Variants in STRA6 observed in about 807,000 individuals in gnomAD.
STRA6 encodes signaling receptor and transporter of retinol STRA6.
In STRA6, 48 loss-of-function variants were observed where a neutral mutation model predicts 83.6. That is an observed-to-expected ratio of 0.57 (90% CI 0.46 to 0.73). The LOEUF is 0.73. Among genes scored for constraint, STRA6 ranks in the 30% least tolerant of loss-of-function variants. STRA6 has a pLI of 0.00. For synonymous variants in STRA6, 353 were observed against 362.3 expected (o/e 0.97, Z 0.29); for missense variants, 760 against 838.8 (o/e 0.91, Z 1.16).
chr15:74,195,097 G>A (rs1416900039), intron 7 of STRA6: 7 of 1,472,552 alleles, frequency 4.8e-6, no homozygotes, highest in African/African-American at 1.4e-5. Context: ...AGTTCCTGAG[G>A]GCTGGGCCCA....
intron 3 of STRA6, 133 bp from the exon 4 acceptor site, chr15:74,197,556 G>C (rs2073876394): frequency 1.9e-6 from 2 of 1,075,498 alleles, no homozygotes; most frequent in South Asian, 1.4e-5. Context: ...CTTGGGGACT[G>C]GTCAAGGGGT....
At chr15:74,183,710 G>A in intron 14 of STRA6, 146 bp downstream of exon 14, 8 of 1,585,646 alleles carry the variant, frequency 5.0e-6, no homozygotes, top group South Asian at 1.1e-5. Flanking sequence ...GAAGGCAGGG[G>A]GGTCCCTCCT....
rs143980296 is a variant in STRA6, at chr15:74,187,025, G to C, written c.1091-1970C>G. Among the ~76,000 whole-genome samples the C allele has an allele frequency of 4.3e-3, 648 of 152,352 alleles. 1 individual carries two copies. Among genetic ancestry groups the C allele is most frequent in the Non-Finnish European group, 6.2e-3 (424 of 68,032 alleles). ...AAGCAAGGTTGGGAGAAAGCACTGTGCATGCATAGCTCCAGCCTCTGTGGT... is the reference window on the plus strand; with the variant it reads ...AAGCAAGGTTGGGAGAAAGCACTGTCCATGCATAGCTCCAGCCTCTGTGGT... On this transcript the variant is annotated intron_variant, in intron 12 of 18. Coordinates refer to ENST00000395105, the MANE Select transcript of STRA6 (RefSeq NM_022369.4).
intron 17 of STRA6, among the ~76,000 whole-genome samples, 155 bp from the exon 18 acceptor site, chr15:74,181,092 C>T (rs1021342799): frequency 7.9e-5 from 12 of 152,096 alleles, no homozygotes; most frequent in African/African-American, 1.2e-4. Flanking sequence ...TGCATGGGCA[C>T]GTGTGGACCT....
chr15:74,197,475 G>T, intron 3 of STRA6, 52 bp from the exon 4 acceptor site: 2 of 1,460,200 alleles, frequency 1.4e-6, no homozygotes, highest in Non-Finnish European at 1.9e-6. Context: ...TCCCCTGAGG[G>T]TCTGAGTTTG....
At chr15:74,210,176 T>C (rs1422713214), upstream of STRA6, among the ~76,000 whole-genome samples, 1 of 152,100 alleles carries the variant, frequency 6.6e-6, no homozygotes, top group East Asian at 1.9e-4. Context: ...AAAGAGAAAA[T>C]TAACCTTTGG....
In STRA6 at chr15:74,179,830, C is replaced by T. The variant is rs1011378549; in HGVS notation, c.*250G>A. The T allele has an allele frequency of 2.5e-5, 13 of 513,018 alleles. No homozygotes were observed. Among genetic ancestry groups the T allele is most frequent in the Non-Finnish European group, 3.5e-5 (10 of 287,680 alleles). The allele number at this position is 513,018 out of a possible 1,614,324, so 31.8% of individuals were successfully genotyped here. On this transcript the variant is annotated 3_prime_UTR_variant, in exon 19 of 19. Transcript: ENST00000395105. ...GTGGCTGCCCTGGCTCAACTGGCTC[C>T]TGGACCAAGGCCCTAACCCACCAGT...
chr15:74,182,552 G>T, intron 14 of STRA6, 92 bp from the exon 15 acceptor site: 1 of 1,051,906 alleles, frequency 9.5e-7, no homozygotes, highest in Non-Finnish European at 1.4e-6. Flanking sequence ...CTTTGGGATT[G>T]GGCAGGCCTG....
At chr15:74,209,056 C>T (rs889631384), upstream of STRA6, 2 of 1,203,634 alleles carry the variant, frequency 1.7e-6, no homozygotes, top group Non-Finnish European at 2.1e-6. Flanking sequence ...CAGCTCCCCC[C>T]TTCTCCAGTC....
At chr15:74,202,441 G>T (rs1031922502) in intron 1 of STRA6, 159 bp from the exon 2 acceptor site, 1 of 1,536,394 alleles carries the variant, frequency 6.5e-7, no homozygotes, top group Admixed American at 2.0e-5. Flanking sequence ...GGAAAAGCCC[G>T]TCTGGGACTG....
chr15:74,181,382 C>T lies in STRA6; in HGVS notation c.1597G>A (p.Val533Met). The change falls in exon 17 of 19, where the codon GTG (valine) becomes ATG (methionine). Residue 533 changes from valine to methionine, a missense_variant. Coordinates refer to ENST00000395105, the MANE Select transcript of STRA6 (RefSeq NM_022369.4). ...GCGTTGTAGAGGGCAGAGAGGAGCACTCGCCAGGTGGCCACCATGGCACCC... is the reference window on the plus strand; with the variant it reads ...GCGTTGTAGAGGGCAGAGAGGAGCATTCGCCAGGTGGCCACCATGGCACCC... The part of the protein sequence containing the change: ...LVGAMVATWR[V>M]LLSALYNAIH... 6.2e-7 allele frequency: 1 copy of T among 1,613,304 alleles called. No homozygotes were observed. Among genetic ancestry groups the T allele is most frequent in the Non-Finnish European group, 8.5e-7 (1 of 1,179,664 alleles).
chr15:74,192,873 C>T (rs928384088), intron 8 of STRA6, among the ~76,000 whole-genome samples: 7 of 152,192 alleles, frequency 4.6e-5, no homozygotes, highest in African/African-American at 1.7e-4. Context: ...TCCCAACACC[C>T]GGTGCAGGTT....
intron 1 of STRA6, 184 bp from the exon 2 acceptor site, chr15:74,202,466 C>T: frequency 6.5e-7 from 1 of 1,536,148 alleles, no homozygotes; most frequent in Non-Finnish European, 8.7e-7. Context: ...CCTGAGCAAG[C>T]TGGCACGGGA....
intron 11 of STRA6, 84 bp downstream of exon 11, chr15:74,190,756 C>G (rs989274453): frequency 1.0e-5 from 16 of 1,602,398 alleles, no homozygotes; most frequent in South Asian, 9.9e-5. Flanking sequence ...ACCTGGAGAG[C>G]TGGGTTGGGC....
At chr15:74,207,189 T>G (rs1243958137), upstream of STRA6, among the ~76,000 whole-genome samples, 1 of 152,156 alleles carries the variant, frequency 6.6e-6, no homozygotes, top group African/African-American at 2.4e-5. Context: ...TATCAAATCC[T>G]CAAAGGGCAA....
chr15:74,197,849 T>G, intron 2 of STRA6, 31 bp from the exon 3 acceptor site: 1 of 1,609,978 alleles, frequency 6.2e-7, no homozygotes, highest in Non-Finnish European at 8.5e-7. Context: ...GGCTCAGGCC[T>G]GCGTCAGGCC....
At chr15:74,195,621 A>G (rs776956459) in intron 6 of STRA6, 31 bp downstream of exon 6, 1 of 1,548,030 alleles carries the variant, frequency 6.5e-7, no homozygotes, top group South Asian at 1.2e-5. Context: ...GGCTCTGACT[A>G]GTCTCAACTC....
intron 13 of STRA6, 128 bp downstream of exon 13, chr15:74,184,852 T>C: frequency 1.1e-6 from 1 of 886,936 alleles, no homozygotes; most frequent in Non-Finnish European, 1.8e-6. Context: ...CACGCACAGG[T>C]GGGCTCCATG....
At chr15:74,184,329 G>A (rs988059828) in intron 13 of STRA6, among the ~76,000 whole-genome samples, 9 of 152,244 alleles carry the variant, frequency 5.9e-5, no homozygotes, top group African/African-American at 2.2e-4. Flanking sequence ...GAGGAGCCTT[G>A]AATGCCAGAA....
Sources: gnomAD v4.1 joint callset for allele counts (sites outside exome capture counted in the v4.1 genomes callset) on GRCh38, gnomAD v4.1.1 for gene constraint, MANE v1.5 for transcripts, NCBI Gene and HGNC (gene_info 2026-07-23, HGNC 2026-07-21) for gene names.